Variants in PDE4D observed in about 807,000 individuals in gnomAD.
PDE4D encodes 3',5'-cyclic-AMP phosphodiesterase 4D.
In PDE4D, 24 loss-of-function variants were observed where a neutral mutation model predicts 87.4. That is an observed-to-expected ratio of 0.27 (90% confidence interval 0.20 to 0.39). The LOEUF (loss-of-function observed/expected upper bound fraction) is 0.39, where lower values mean the gene tolerates loss of function less well. PDE4D is among the 10% of genes least tolerant of loss of function. The pLI is 1.00. For missense variants in PDE4D, 714 were observed against 1,041.0 expected (o/e 0.69, Z 4.32); for synonymous variants, 384 against 383.2 (o/e 1.00, Z -0.02).
At chr5:59,990,195 T>C (rs1452442028) in intron 2 of PDE4D, among the ~76,000 whole-genome samples, 1 of 152,178 alleles carries the variant, frequency 6.6e-6, no homozygotes, top group African/African-American at 2.4e-5. Context: ...ATTGAGGTTG[T>C]TTCTCCATCT....
At chr5:59,438,841 T>C (rs1797166732) in intron 1 of PDE4D, among the ~76,000 whole-genome samples, 3 of 152,224 alleles carry the variant, frequency 2.0e-5, no homozygotes, top group African/African-American at 7.2e-5. Context: ...CTAAATCAGA[T>C]TGAATACATC....
rs1035372053 is a variant in PDE4D at position 58,973,822 on chromosome 5, A to G, written c.*842T>C. On this transcript the variant is annotated 3_prime_UTR_variant, in exon 15 of 15. Transcript: ENST00000340635. ...ACAAAAAGGGTTTCCTGCAACATAA[A>G]GTTGTTTTTCTCTTTTAAAATATGG... The G allele has an allele frequency of 1.1e-4, 16 of 151,676 alleles. No homozygotes were observed. Among genetic ancestry groups the G allele is most frequent in the African/African-American group, 3.6e-4 (15 of 41,190 alleles). 9.4% of individuals were successfully genotyped at this position (151,676 alleles called of 1,614,324 possible). A position where few individuals can be genotyped will look rare whatever the true frequency, so the allele number is the denominator to read the frequency against.
chr5:60,065,388 A>T (rs1333178642), intron 2 of PDE4D, among the ~76,000 whole-genome samples: 1 of 151,574 alleles, frequency 6.6e-6, no homozygotes, highest in African/African-American at 2.4e-5. Context: ...TCTTATTGTG[A>T]TTATTTGTGT....
chr5:59,765,797 A>G (rs1055407958), intron 1 of PDE4D, among the ~76,000 whole-genome samples: 1 of 152,228 alleles, frequency 6.6e-6, no homozygotes, highest in African/African-American at 2.4e-5. Context: ...TGTCAATCCA[A>G]TGAGATTTGG....
rs569059121 is a variant in PDE4D, at chr5:60,317,396, T to C, written c.-89-131709A>G. Among the ~76,000 whole-genome samples the C allele has an allele frequency of 4.6e-5, 7 of 152,316 alleles. No individual in the cohort carries two copies. In the East Asian group the frequency reaches 1.2e-3, roughly 25 times the overall value. On this transcript the variant is annotated intron_variant, in intron 1 of 16. Coordinates refer to the PDE4D transcript ENST00000502484. Reference sequence around the variant, plus strand: ...TCTCTCTTTTCTTCTTTATTAGTCTTACTAGTGGTCTATCAATTTTGTTGA... The same window carrying C: ...TCTCTCTTTTCTTCTTTATTAGTCTCACTAGTGGTCTATCAATTTTGTTGA...
intron 2 of PDE4D, among the ~76,000 whole-genome samples, chr5:60,034,863 G>A (rs1299498377): frequency 1.3e-5 from 2 of 152,150 alleles, no homozygotes; most frequent in African/African-American, 4.8e-5. Context: ...TGAGCAATCA[G>A]CATGGGTCAG....
At chr5:59,110,591 G>A (rs894153024) in intron 5 of PDE4D, among the ~76,000 whole-genome samples, 3 of 152,226 alleles carry the variant, frequency 2.0e-5, no homozygotes, top group Admixed American at 6.5e-5. Flanking sequence ...ACTGAGGTTA[G>A]TTGAGCACCG....
chr5:60,316,148 C>G (rs1169974871), intron 1 of PDE4D, among the ~76,000 whole-genome samples: 1 of 152,118 alleles, frequency 6.6e-6, no homozygotes, highest in Non-Finnish European at 1.5e-5. Flanking sequence ...TTGTTTGTAT[C>G]CTCTTTTATT....
chr5:59,410,079 C>T (rs1006786881), intron 1 of PDE4D, among the ~76,000 whole-genome samples: 6 of 152,064 alleles, frequency 3.9e-5, no homozygotes, highest in Admixed American at 1.3e-4. Context: ...TACAAACATT[C>T]CAATTATATT....
At chr5:59,185,531 A>G (rs1424639318) in intron 3 of PDE4D, among the ~76,000 whole-genome samples, 2 of 152,134 alleles carry the variant, frequency 1.3e-5, no homozygotes, top group Non-Finnish European at 2.9e-5. Context: ...TTCCTTAGTC[A>G]CCAAGACAAT....
At chr5:59,769,487 C>T (rs1360785520) in intron 1 of PDE4D, among the ~76,000 whole-genome samples, 2 of 152,148 alleles carry the variant, frequency 1.3e-5, no homozygotes, top group East Asian at 1.9e-4. Flanking sequence ...TCTAGCTTTT[C>T]GTGATTTCCT....
chr5:60,327,235 C>T (rs1211541797), intron 1 of PDE4D, among the ~76,000 whole-genome samples: 3 of 152,182 alleles, frequency 2.0e-5, no homozygotes, highest in Non-Finnish European at 4.4e-5. Flanking sequence ...TGCTGTTATA[C>T]TTGGTTGAAC....
In PDE4D at chr5:59,893,637, C is replaced by A; in HGVS notation, c.-15G>T. 1 of 1,476,578 alleles carries A rather than the reference C, an allele frequency of 6.8e-7. No individual in the cohort carries two copies. The highest frequency in any genetic ancestry group is 8.9e-7 in the Non-Finnish European group (1 of 1,119,564). The allele number at this position is 1,476,578 out of a possible 1,614,324, so 91.5% of individuals were successfully genotyped here. ...TCTGCCTCCATCCTGGCTCGCGGCT[C>A]CGCGACCTGCTGCCCAGCCCGGGTT... On this transcript the variant is annotated 5_prime_UTR_variant, in exon 1 of 15. Transcript: ENST00000340635.
chr5:59,929,945 T>C (rs1755708065), intron 3 of PDE4D, among the ~76,000 whole-genome samples: 1 of 152,070 alleles, frequency 6.6e-6, no homozygotes, highest in South Asian at 2.1e-4. Context: ...TTCATGCAAA[T>C]ATAATCTTCA....
chr5:60,127,506 G>T (rs1052665158), intron 2 of PDE4D: 151 of 419,170 alleles, frequency 3.6e-4, no homozygotes, highest in African/African-American at 2.9e-3. Flanking sequence ...CCGGCCCCGG[G>T]AAAGATGAAG....
At chr5:59,921,946 G>C (rs1208501705) in intron 3 of PDE4D, among the ~76,000 whole-genome samples, 2 of 152,202 alleles carry the variant, frequency 1.3e-5, no homozygotes, top group African/African-American at 4.8e-5. Flanking sequence ...AGGCACTGAA[G>C]AGGGTAGGAA....
intron 1 of PDE4D, among the ~76,000 whole-genome samples, chr5:59,732,392 ATT>A (rs1170358139): frequency 1.3e-4 from 17 of 126,430 alleles, no homozygotes; most frequent in African/African-American, 4.9e-4. Flanking sequence ...GTCAGGAGAC[ATT>A]CACACACACA....
intron 6 of PDE4D, among the ~76,000 whole-genome samples, chr5:59,035,267 G>A (rs1758304938): frequency 6.6e-6 from 1 of 152,174 alleles, no homozygotes; most frequent in Non-Finnish European, 1.5e-5. Context: ...AAAGTACTTA[G>A]TTAGCTCTTC....
chr5:60,458,297 G>A (rs1201361928), intron 1 of PDE4D, among the ~76,000 whole-genome samples: 1 of 138,962 alleles, frequency 7.2e-6, no homozygotes, highest in Non-Finnish European at 1.5e-5. Context: ...TGAGGCAGGA[G>A]AATCACTTGA....
Sources: gnomAD v4.1 joint callset for allele counts (sites outside exome capture counted in the v4.1 genomes callset) on GRCh38, gnomAD v4.1.1 for gene constraint, MANE v1.5 for transcripts, NCBI Gene and HGNC (gene_info 2026-07-23, HGNC 2026-07-21) for gene names.